Variants in COL25A1 observed in about 807,000 individuals in gnomAD.
COL25A1 encodes the protein collagen alpha-1(XXV) chain.
Under a neutral mutation model 128.4 loss-of-function variants are expected in COL25A1, and 103 were observed. That is an observed-to-expected ratio of 0.80 (90% CI 0.68 to 0.94). The LOEUF (loss-of-function observed/expected upper bound fraction) is 0.94. Ranked by LOEUF, COL25A1 falls within the 40% of genes least tolerant of loss-of-function variation. The pLI is 0.00. For missense variants in COL25A1, 745 were observed against 840.0 expected (o/e 0.89, Z 1.40); for synonymous variants, 279 against 277.2 (o/e 1.01, Z -0.06).
At chr4:108,931,543 C>T (rs1437011353) in intron 11 of COL25A1, among the ~76,000 whole-genome samples, 1 of 152,186 alleles carries the variant, frequency 6.6e-6, no homozygotes, top group African/African-American at 2.4e-5. Context: ...TGAAAATGCT[C>T]CCCAAGATGA....
chr4:109,279,378 G>A (rs944762222), intron 3 of COL25A1, among the ~76,000 whole-genome samples: 2 of 152,026 alleles, frequency 1.3e-5, no homozygotes, highest in Non-Finnish European at 2.9e-5. Flanking sequence ...GGGAGGTTGA[G>A]ACCATCCTGG....
intron 5 of COL25A1, among the ~76,000 whole-genome samples, chr4:109,045,724 G>A (rs1247325563): frequency 6.6e-6 from 1 of 151,860 alleles, no homozygotes; most frequent in Non-Finnish European, 1.5e-5. Flanking sequence ...TTTCTCTTTT[G>A]TACAATCAAT....
At chr4:108,844,140 C>T (rs113528763) in intron 30 of COL25A1, among the ~76,000 whole-genome samples, 1,594 of 152,254 alleles carry the variant, frequency 0.01, 25 homozygotes, top group African/African-American at 0.036. Flanking sequence ...CTGCCCACCT[C>T]GGCCTCCCAA....
chr4:108,897,769 G>A (rs2125858894), intron 15 of COL25A1, among the ~76,000 whole-genome samples: 1 of 152,228 alleles, frequency 6.6e-6, no homozygotes, highest in African/African-American at 2.4e-5. Flanking sequence ...AACTTTCTTG[G>A]GAGGGGGGAG....
At chr4:108,892,597 G>A (rs1003718538) in intron 16 of COL25A1, among the ~76,000 whole-genome samples, 1 of 152,146 alleles carries the variant, frequency 6.6e-6, no homozygotes, top group Admixed American at 6.6e-5. Flanking sequence ...TCTAATATAT[G>A]TAGTGCAAAA....
intron 3 of COL25A1, among the ~76,000 whole-genome samples, chr4:109,224,282 C>CA (rs1232181082): frequency 6.6e-6 from 1 of 151,854 alleles, no homozygotes; most frequent in African/African-American, 2.4e-5. Context: ...AAGGAAATAT[C>CA]AAAAAAAGGT....
intron 24 of COL25A1, among the ~76,000 whole-genome samples, chr4:108,853,611 C>T (rs750005166): frequency 6.6e-6 from 1 of 152,088 alleles, no homozygotes; most frequent in Non-Finnish European, 1.5e-5. Flanking sequence ...TGGTTTGCTG[C>T]ACCCATCAAC....
intron 5 of COL25A1, among the ~76,000 whole-genome samples, chr4:109,024,990 C>A (rs1197486908): frequency 6.6e-6 from 1 of 152,092 alleles, no homozygotes; most frequent in African/African-American, 2.4e-5. Flanking sequence ...ACTGGGGATC[C>A]CTGCTAGGCA....
At chr4:109,050,976 A>G (rs1579207102) in intron 3 of COL25A1, among the ~76,000 whole-genome samples, 1 of 151,898 alleles carries the variant, frequency 6.6e-6, no homozygotes, top group East Asian at 1.9e-4. Flanking sequence ...CTTTCAAGCC[A>G]TTATTCTCAA....
Position 109,086,172 on chromosome 4 carries a change from C to T in COL25A1, c.368-35993G>A, listed in dbSNP as rs577560022. Among the ~76,000 whole-genome samples, 30 of 152,306 alleles carry T rather than the reference C, an allele frequency of 2.0e-4. No homozygotes were observed. In the South Asian group the frequency reaches 5.8e-3, roughly 29 times the overall value. ...TTATTTACTTAAAAATGAGTGTCAC[C>T]TATCAGAGTCATTTGTCAAGGGCTG... On this transcript the variant is annotated intron_variant, in intron 3 of 37. Transcript: ENST00000399132.
intron 3 of COL25A1, among the ~76,000 whole-genome samples, chr4:109,109,531 C>T (rs183095411): frequency 2.1e-3 from 320 of 152,276 alleles, no homozygotes; most frequent in Non-Finnish European, 3.7e-3. Context: ...CCACTGCGCC[C>T]GGCCTAAACT....
intron 25 of COL25A1, 146 bp downstream of exon 25, chr4:108,852,756 G>A: frequency 1.5e-6 from 1 of 650,516 alleles, no homozygotes; most frequent in South Asian, 2.2e-5. Flanking sequence ...GATTCAACTG[G>A]AGCAAATGTA....
intron 3 of COL25A1, among the ~76,000 whole-genome samples, chr4:109,131,234 T>C (rs1172821752): frequency 6.6e-6 from 1 of 152,206 alleles, no homozygotes; most frequent in African/African-American, 2.4e-5. Flanking sequence ...ACTATTAAAT[T>C]TAATGTATTT....
intron 3 of COL25A1, among the ~76,000 whole-genome samples, chr4:109,091,480 T>C (rs1411584555): frequency 6.6e-6 from 1 of 152,202 alleles, no homozygotes; most frequent in Admixed American, 6.5e-5. Flanking sequence ...TCCTATGTTG[T>C]TGTTTAAACC....
At chr4:109,024,304 G>A (rs185364038) in intron 5 of COL25A1, among the ~76,000 whole-genome samples, 1 of 152,116 alleles carries the variant, frequency 6.6e-6, no homozygotes, top group East Asian at 1.9e-4. Context: ...GTAAATATCT[G>A]ACTATTTCTT....
chr4:108,828,690 G>A (rs1732681873), intron 32 of COL25A1, among the ~76,000 whole-genome samples: 1 of 152,236 alleles, frequency 6.6e-6, no homozygotes, highest in Non-Finnish European at 1.5e-5. Context: ...AAATTGAAGT[G>A]TTTGTCAGTA....
intron 3 of COL25A1, among the ~76,000 whole-genome samples, chr4:109,218,799 T>C (rs1054016106): frequency 4.6e-5 from 7 of 152,160 alleles, no homozygotes; most frequent in African/African-American, 1.7e-4. Flanking sequence ...TGGGAGTTTT[T>C]TATCTAATGA....
At chr4:109,219,435 C>A (rs755942559) in intron 3 of COL25A1, among the ~76,000 whole-genome samples, 3 of 151,870 alleles carry the variant, frequency 2.0e-5, no homozygotes, top group African/African-American at 4.8e-5. Flanking sequence ...ACAAATAATT[C>A]TTTTAATTAT....
At chr4:108,956,322 G>C (rs919710118) in intron 8 of COL25A1, among the ~76,000 whole-genome samples, 1 of 151,092 alleles carries the variant, frequency 6.6e-6, no homozygotes, top group Non-Finnish European at 1.5e-5. Flanking sequence ...ATTTATAACT[G>C]GTTGAACAAT....
Sources: gnomAD v4.1 joint callset for allele counts (sites outside exome capture counted in the v4.1 genomes callset) on GRCh38, gnomAD v4.1.1 for gene constraint, MANE v1.5 for transcripts, NCBI Gene and HGNC (gene_info 2026-07-23, HGNC 2026-07-21) for gene names.